Variants in RBMS3 observed in about 807,000 individuals in gnomAD.
The protein encoded by RBMS3 is RNA-binding motif, single-stranded-interacting protein 3.
A neutral mutation model predicts 66.8 loss-of-function variants in RBMS3; 27 were observed. The ratio of observed to expected loss-of-function variants is 0.40; its 90% CI spans 0.30 to 0.56. The LOEUF is 0.56. RBMS3 is among the 20% of genes least tolerant of loss of function. RBMS3 has a pLI of 0.40. For synonymous variants in RBMS3, 188 were observed against 183.0 expected (o/e 1.03, Z -0.22); for missense variants, 513 against 549.5 (o/e 0.93, Z 0.66).
At chr3:29,615,354 TA>T (rs1027946318) in intron 4 of RBMS3, 3 of 152,190 alleles carry the variant, frequency 2.0e-5, no homozygotes, top group Admixed American at 6.5e-5. Context: ...ATCTTAAGAC[TA>T]CCTCTGAACT....
At chr3:29,359,179 G>A (rs558764838) in intron 1 of RBMS3, among the ~76,000 whole-genome samples, 12 of 152,172 alleles carry the variant, frequency 7.9e-5, no homozygotes, top group East Asian at 1.9e-4. Context: ...TATTGGCTGC[G>A]GGTTTGTCAT....
chr3:29,723,721 A>C (rs2053742384), intron 4 of RBMS3, among the ~76,000 whole-genome samples: 1 of 152,140 alleles, frequency 6.6e-6, no homozygotes, highest in Admixed American at 6.6e-5. Context: ...AAAGAGCAGA[A>C]GTCACCCTCT....
At chr3:29,655,163 G>A (rs2050282059) in intron 4 of RBMS3, among the ~76,000 whole-genome samples, 1 of 152,170 alleles carries the variant, frequency 6.6e-6, no homozygotes, top group African/African-American at 2.4e-5. Flanking sequence ...GAAGATTAAT[G>A]AGGTCATCTG....
intron 7 of RBMS3, among the ~76,000 whole-genome samples, chr3:29,877,827 T>C (rs1048670337): frequency 2.6e-5 from 4 of 152,184 alleles, no homozygotes; most frequent in Admixed American, 2.0e-4. Context: ...GCAAGTGAAC[T>C]AATAAATTGC....
chr3:29,794,306 G>C (rs1404983854), intron 6 of RBMS3, among the ~76,000 whole-genome samples: 1 of 152,142 alleles, frequency 6.6e-6, no homozygotes, highest in Non-Finnish European at 1.5e-5. Flanking sequence ...CCACATGATG[G>C]CGGGGCACGG....
intron 1 of RBMS3, among the ~76,000 whole-genome samples, chr3:29,361,167 T>G (rs1013308178): frequency 6.6e-6 from 1 of 152,064 alleles, no homozygotes; most frequent in Non-Finnish European, 1.5e-5. Flanking sequence ...ATTTAGCATG[T>G]TTTTGCAGTG....
At chr3:29,607,692 T>C (rs2048359018) in intron 4 of RBMS3, among the ~76,000 whole-genome samples, 1 of 151,994 alleles carries the variant, frequency 6.6e-6, no homozygotes, top group African/African-American at 2.4e-5. Context: ...TTTAAACATT[T>C]TACATTTTTA....
intron 1 of RBMS3, among the ~76,000 whole-genome samples, chr3:29,303,759 C>G (rs900487353): frequency 1.3e-5 from 2 of 151,940 alleles, no homozygotes; most frequent in African/African-American, 4.8e-5. Context: ...AAACTCTTTT[C>G]ATAGCATATT....
At chr3:29,563,005 G>A (rs2046611550) in intron 3 of RBMS3, among the ~76,000 whole-genome samples, 1 of 152,198 alleles carries the variant, frequency 6.6e-6, no homozygotes, top group East Asian at 1.9e-4. Flanking sequence ...AAGGCAGAAA[G>A]AGGCAAAGTT....
At chr3:29,370,241 T>C (rs7647066) in intron 1 of RBMS3, among the ~76,000 whole-genome samples, 2,540 of 152,290 alleles carry the variant, frequency 0.017, 69 homozygotes, top group African/African-American at 0.058. Context: ...TTATTGGTTT[T>C]AGTTGGACTT....
At chr3:29,821,748 C>T (rs2058081184) in intron 6 of RBMS3, among the ~76,000 whole-genome samples, 1 of 152,160 alleles carries the variant, frequency 6.6e-6, no homozygotes. Context: ...TGTAGGCTAA[C>T]AACCAAGTCT....
At chr3:29,699,493 A>G (rs2052444367) in intron 4 of RBMS3, among the ~76,000 whole-genome samples, 1 of 144,686 alleles carries the variant, frequency 6.9e-6, no homozygotes, top group East Asian at 2.0e-4. Context: ...TGCAAAAATG[A>G]AAATGAAAAT....
intron 3 of RBMS3, among the ~76,000 whole-genome samples, chr3:29,514,160 A>G (rs2044521588): frequency 6.6e-6 from 1 of 152,178 alleles, no homozygotes; most frequent in South Asian, 2.1e-4. Context: ...GGATTATTAC[A>G]CACTTTAAAA....
chr3:29,965,228 T>C (rs925414272), intron 12 of RBMS3, among the ~76,000 whole-genome samples: 3 of 152,302 alleles, frequency 2.0e-5, no homozygotes, highest in East Asian at 1.9e-4. Context: ...TTTTTTCCTC[T>C]GGGTAGATAA....
chr3:29,975,068 A>G (rs1201461140), intron 12 of RBMS3, among the ~76,000 whole-genome samples: 1 of 135,982 alleles, frequency 7.4e-6, no homozygotes, highest in Non-Finnish European at 1.5e-5. Context: ...ATGTTTCTAT[A>G]TATATTTTAT....
At chr3:29,380,790 T>A (rs1477566260) in intron 1 of RBMS3, among the ~76,000 whole-genome samples, 1 of 152,168 alleles carries the variant, frequency 6.6e-6, no homozygotes, top group Non-Finnish European at 1.5e-5. Flanking sequence ...TGGAAGTAAA[T>A]GTGTGATGAT....
At chr3:29,384,519 A>G (rs1359651714) in intron 1 of RBMS3, among the ~76,000 whole-genome samples, 4 of 152,134 alleles carry the variant, frequency 2.6e-5, no homozygotes, top group African/African-American at 9.7e-5. Context: ...TTTGAAAAAG[A>G]GTAGTGAAGT....
intron 1 of RBMS3, among the ~76,000 whole-genome samples, chr3:29,346,673 G>A (rs552216171): frequency 4.6e-5 from 7 of 152,156 alleles, no homozygotes; most frequent in South Asian, 2.1e-4. Context: ...GATTACAGGC[G>A]TGAGCCACCG....
intron 11 of RBMS3, among the ~76,000 whole-genome samples, chr3:29,940,893 G>C (rs2061378793): frequency 6.6e-6 from 1 of 151,704 alleles, no homozygotes; most frequent in Admixed American, 6.6e-5. Flanking sequence ...TGGAACCAAA[G>C]CCCCATTATC....
Sources: gnomAD v4.1 joint callset for allele counts (sites outside exome capture counted in the v4.1 genomes callset) on GRCh38, gnomAD v4.1.1 for gene constraint, MANE v1.5 for transcripts, NCBI Gene and HGNC (gene_info 2026-07-23, HGNC 2026-07-21) for gene names.